Variants in CNOT1 observed in about 807,000 individuals in gnomAD.
The protein encoded by CNOT1 is CCR4-associated factor 1.
In CNOT1, 15 loss-of-function variants were observed where a neutral mutation model predicts 273.8. The observed-to-expected ratio is 0.05, with a 90% CI of 0.04 to 0.08. The LOEUF is 0.08. Among genes scored for constraint, CNOT1 ranks in the 10% least tolerant of loss-of-function variants. The pLI, the probability that CNOT1 is intolerant of heterozygous loss-of-function variation, is 1.00. For synonymous variants in CNOT1, 1,022 were observed against 1,005.5 expected, an observed-to-expected ratio of 1.02 and a Z score of -0.31; for missense variants, 1,644 against 2,912.2, an observed-to-expected ratio of 0.56 and a Z score of 10.02.
intron 16 of CNOT1, among the ~76,000 whole-genome samples, chr16:58,571,101 CAAAACAAAACAAAACAA>C (rs900322086): frequency 2.3e-4 from 21 of 90,868 alleles, no homozygotes; most frequent in Admixed American, 6.6e-4. Flanking sequence ...TTGAGAAAAA[CAAAACAAAACAAAACAA>C]AAAACAAAAC....
intron 1 of CNOT1, among the ~76,000 whole-genome samples, chr16:58,610,852 TA>T (rs2042872988): frequency 7.2e-6 from 1 of 139,358 alleles, no homozygotes; most frequent in African/African-American, 2.7e-5. Flanking sequence ...CAAAAAAACA[TA>T]AAACAAACAA....
chr16:58,590,626 G>A (rs2042020539), intron 2 of CNOT1, among the ~76,000 whole-genome samples: 1 of 151,976 alleles, frequency 6.6e-6, no homozygotes, highest in Non-Finnish European at 1.5e-5. Flanking sequence ...GAGTCTGGGT[G>A]CAGTGGCTTA....
intron 2 of CNOT1, among the ~76,000 whole-genome samples, chr16:58,591,209 C>A (rs1033158889): frequency 2.6e-5 from 4 of 152,130 alleles, no homozygotes; most frequent in African/African-American, 9.7e-5. Flanking sequence ...AGGGCCAGAT[C>A]ATGGTTAATG....
rs199818267 is a variant in CNOT1, at chr16:58,553,775, C to T, written c.2970+7G>A. 201 of 1,609,444 alleles carry T rather than the reference C, an allele frequency of 1.2e-4. 2 individuals carry two copies. The East Asian group carries it at 4.2e-3, about 34-fold the overall frequency. Reference sequence around the variant, plus strand: ...CTATTTGGGTTTTAGTTACAGAGGGCACTTACCTCCTGTAAATGATGTGGA... The same window carrying T: ...CTATTTGGGTTTTAGTTACAGAGGGTACTTACCTCCTGTAAATGATGTGGA... On this transcript the variant is annotated splice_region_variant and intron_variant, in intron 22 of 48. Transcript: ENST00000317147.
At chr16:58,530,024 G>T (rs1379428029) in intron 43 of CNOT1, among the ~76,000 whole-genome samples, 1 of 152,042 alleles carries the variant, frequency 6.6e-6, no homozygotes, top group Non-Finnish European at 1.5e-5. Flanking sequence ...GTATAAACTG[G>T]TACAAACGCT....
At chr16:58,557,860 G>T (rs1256212381) in intron 18 of CNOT1, among the ~76,000 whole-genome samples, 3 of 151,922 alleles carry the variant, frequency 2.0e-5, no homozygotes, top group Non-Finnish European at 4.4e-5. Flanking sequence ...CATGGTGGCG[G>T]GCACCTGTAA....
intron 35 of CNOT1, 145 bp from the exon 36 acceptor site, chr16:58,539,059 T>C (rs765333704): frequency 1.5e-4 from 185 of 1,273,290 alleles, no homozygotes; most frequent in Non-Finnish European, 1.9e-4. Context: ...TCCCTTTCAG[T>C]TGCCTATCAC....
chr16:58,533,695 A>T (rs895583906), intron 40 of CNOT1, among the ~76,000 whole-genome samples: 4 of 151,388 alleles, frequency 2.6e-5, no homozygotes, highest in Admixed American at 2.6e-4. Context: ...CATGTTGGCA[A>T]GTGCCTGTAG....
chr16:58,580,839 G>T lies in CNOT1; in HGVS notation c.1216-79C>A, dbSNP rs59119976. On this transcript the variant is annotated intron_variant, in intron 11 of 48. Coordinates refer to ENST00000317147, the MANE Select transcript of CNOT1 (RefSeq NM_016284.5). ...TCTGAAATGTTTTCACTAGGCTATT[G>T]TCAATCTTAAGGTTATTAGCATGGC... 259,314 of 1,354,656 alleles carry T rather than the reference G, an allele frequency of 0.19. 26,984 individuals carry two copies. Among genetic ancestry groups the T allele is most frequent in the East Asian group, 0.35 (14,369 of 40,650 alleles). 83.9% of individuals were successfully genotyped at this position (1,354,656 alleles called of 1,614,324 possible). A position where few individuals can be genotyped will look rare whatever the true frequency, so the allele number is the denominator to read the frequency against.
intron 1 of CNOT1, among the ~76,000 whole-genome samples, chr16:58,614,038 G>A (rs570666533): frequency 1.8e-5 from 2 of 108,484 alleles, no homozygotes; most frequent in East Asian, 4.2e-4. Flanking sequence ...CTTGCAGTGA[G>A]CCAAGATCGC....
Position 58,553,891 on chromosome 16 carries a change from A to G in CNOT1, c.2892-31T>C, listed in dbSNP as rs371536632. On this transcript the variant is annotated intron_variant, in intron 21 of 48. Transcript: ENST00000317147. ...AACAAAATTATTCTACCATCATTTCATGTCAGAACAGAAGCATCACTAACA... is the reference window on the plus strand; with the variant it reads ...AACAAAATTATTCTACCATCATTTCGTGTCAGAACAGAAGCATCACTAACA... 3.8e-6 allele frequency: 6 copies of G among 1,587,900 alleles called. No homozygotes were observed. In the African/African-American group the frequency reaches 8.2e-5, roughly 22 times the overall value.
chr16:58,589,802 C>T (rs1483655534), intron 2 of CNOT1, among the ~76,000 whole-genome samples: 1 of 152,162 alleles, frequency 6.6e-6, no homozygotes, highest in Admixed American at 6.5e-5. Flanking sequence ...CAGTTTCCTG[C>T]CCTTCCTCAA....
At position 58,586,719 on chromosome 16, in the gene CNOT1, C is replaced by A. The variant is rs773077789; in HGVS notation, c.463G>T (p.Asp155Tyr). 6.2e-7 allele frequency: 1 copy of A among 1,613,080 alleles called. No individual in the cohort carries two copies. ...AAQFIKQKLP[D>Y]LLRSYIDADV... is the part of the protein sequence containing the mutation. ...GCGTCAATGTAAGAACGCAGAAGAT[C>A]TGGAAGCTTCTGTTTGATAAACTGG... is the stretch of plus-strand genomic sequence containing the variant. The change falls in exon 7 of 49, where the codon GAT becomes TAT. Residue 155 changes from aspartate (D) to tyrosine (Y), a missense_variant. Coordinates refer to ENST00000317147, the MANE Select transcript of CNOT1 (RefSeq NM_016284.5).
intron 17 of CNOT1, chr16:58,559,956 A>G (rs1366357408): frequency 2.9e-6 from 3 of 1,019,392 alleles, no homozygotes; most frequent in Non-Finnish European, 4.3e-6. Flanking sequence ...TACGTAATTC[A>G]TATTTTAAAA....
chr16:58,532,038 C>A lies in CNOT1; in HGVS notation c.6097G>T (p.Gly2033Cys). Residue 2033 changes from glycine (G) to cysteine (C), a missense_variant, in exon 42 of 49, where the codon GGC becomes TGC. Transcript: ENST00000317147. ...FHILRPTKAP[G>C]FVYAWLELIS... ...AGTTCAAGCCAGGCATATACAAAGC[C>A]AGGAGCTTTGGTAGGCCTCAAGATG... 6.2e-7 allele frequency: 1 copy of A among 1,614,088 alleles called. No homozygotes were observed. Among genetic ancestry groups the A allele is most frequent in the Non-Finnish European group, 8.5e-7 (1 of 1,180,046 alleles).
At chr16:58,601,372 C>A (rs1005772791) in intron 1 of CNOT1, among the ~76,000 whole-genome samples, 1 of 152,166 alleles carries the variant, frequency 6.6e-6, no homozygotes, top group East Asian at 1.9e-4. Context: ...GCTGGGATTA[C>A]AGGCGTGAGC....
intron 10 of CNOT1, among the ~76,000 whole-genome samples, chr16:58,582,538 G>A (rs1224815346): frequency 6.6e-6 from 1 of 152,094 alleles, no homozygotes; most frequent in Non-Finnish European, 1.5e-5. Context: ...AAGTAGAAGT[G>A]GCAAGATAAT....
At chr16:58,534,067 T>G (rs1435953801) in intron 40 of CNOT1, 80 bp downstream of exon 40, 2 of 1,238,350 alleles carry the variant, frequency 1.6e-6, no homozygotes, top group Admixed American at 4.2e-5. Flanking sequence ...AGAAACAATA[T>G]AAAAAATAAT....
intron 12 of CNOT1, among the ~76,000 whole-genome samples, chr16:58,579,768 C>T (rs922731401): frequency 3.9e-5 from 6 of 152,166 alleles, no homozygotes; most frequent in African/African-American, 1.4e-4. Flanking sequence ...GATCAAAGTA[C>T]TTGTACCATT....
Sources: allele counts gnomAD v4.1 joint callset (sites outside exome capture counted in the v4.1 genomes callset), GRCh38; gene constraint gnomAD v4.1.1; transcripts MANE v1.5; gene names NCBI Gene and HGNC (gene_info 2026-07-23, HGNC 2026-07-21).